Variants in GOLGA3 observed in about 807,000 individuals in gnomAD.
GOLGA3 encodes golgin A3, also known as golgin subfamily A member 3.
In GOLGA3, 75 loss-of-function variants were observed where a neutral mutation model predicts 169.4. That is an observed-to-expected ratio of 0.44 (90% CI 0.37 to 0.54). The LOEUF is 0.54. Among genes scored for constraint, GOLGA3 ranks in the 20% least tolerant of loss-of-function variants. GOLGA3 has a pLI of 0.00. For synonymous variants in GOLGA3, 824 were observed against 822.4 expected (o/e 1.00, Z -0.03); for missense variants, 1,899 against 1,930.0 (o/e 0.98, Z 0.30).
chr12:132,781,544 C>T (rs1471758316), intron 17 of GOLGA3, among the ~76,000 whole-genome samples: 12 of 152,114 alleles, frequency 7.9e-5, no homozygotes, highest in African/African-American at 1.4e-4. Flanking sequence ...AGTGAGACTC[C>T]GTATTACTAA....
intron 1 of GOLGA3, chr12:132,825,906 G>A (rs990226772): frequency 2.0e-5 from 19 of 965,700 alleles, no homozygotes; most frequent in Admixed American, 3.4e-5. Context: ...GTCTCCATTC[G>A]AGGGCGGATC....
intron 18 of GOLGA3, among the ~76,000 whole-genome samples, chr12:132,778,639 A>G (rs1327058795): frequency 6.6e-6 from 1 of 151,706 alleles, no homozygotes; most frequent in Admixed American, 6.6e-5. Context: ...TTTAAAAAAT[A>G]AAAATAAAAT....
At chr12:132,802,178 G>A (rs1000138974) in intron 7 of GOLGA3, among the ~76,000 whole-genome samples, 2 of 152,278 alleles carry the variant, frequency 1.3e-5, no homozygotes, top group Non-Finnish European at 2.9e-5. Context: ...AATGCAGGGT[G>A]AGGTTCCTGC....
At chr12:132,809,797 G>T (rs552014754) in intron 4 of GOLGA3, among the ~76,000 whole-genome samples, 22 of 152,178 alleles carry the variant, frequency 1.4e-4, no homozygotes, top group Non-Finnish European at 2.9e-4. Context: ...TATATCTGGT[G>T]TAACTATTCT....
intron 4 of GOLGA3, among the ~76,000 whole-genome samples, chr12:132,809,532 G>A (rs1034025026): frequency 6.6e-5 from 10 of 151,702 alleles, no homozygotes; most frequent in South Asian, 2.1e-4. Flanking sequence ...GGTAACGGGC[G>A]TCTTCCCGTC....
chr12:132,775,127 G>A lies in GOLGA3; in HGVS notation c.4143+14C>T, dbSNP rs1198457888. Reference sequence around the variant, plus strand: ...GCACGTCGGCTACCCCGGGAGGGACGCGGGCCTGAGTACCGTCTTGGCCGC... The same window carrying A: ...GCACGTCGGCTACCCCGGGAGGGACACGGGCCTGAGTACCGTCTTGGCCGC... On this transcript the variant is annotated intron_variant, in intron 22 of 23. Transcript: ENST00000450791. 11 of 1,609,336 alleles carry A rather than the reference G, an allele frequency of 6.8e-6. No individual in the cohort carries two copies. The highest frequency in any genetic ancestry group is 2.2e-5 in the South Asian group (2 of 90,760).
intron 12 of GOLGA3, 58 bp from the exon 13 acceptor site, chr12:132,789,348 T>TG (rs201418691): frequency 2.1e-6 from 3 of 1,453,560 alleles, no homozygotes; most frequent in African/African-American, 2.8e-5. Context: ...GGGGCGTACC[T>TG]GGGGGTCAAG....
rs536718563 is a variant in GOLGA3, at chr12:132,777,660, A to C, written c.3722+6T>G. On this transcript the variant is annotated splice_donor_region_variant and intron_variant, in intron 19 of 23. Transcript: ENST00000450791. The surrounding 1 kb of genome is among the most constrained non-coding windows in gnomAD (Gnocchi z 4.7). The stretch of plus-strand genomic sequence containing the variant: ...GTTTGAGGGCTGGCGGGGCCCAGGC[A>C]CTCACTGAAGGTCGTCGGCCTCGGC... The C allele has an allele frequency of 6.2e-7, 1 of 1,613,796 alleles. No individual in the cohort carries two copies. The highest frequency in any genetic ancestry group is 1.1e-5 in the South Asian group (1 of 91,062).
intron 1 of GOLGA3, among the ~76,000 whole-genome samples, chr12:132,826,629 C>T (rs1030409705): frequency 6.6e-6 from 1 of 152,156 alleles, no homozygotes. Flanking sequence ...GTCACAAAGA[C>T]GGCCCCTCTT....
chr12:132,801,351 G>A (rs569189014), intron 8 of GOLGA3, among the ~76,000 whole-genome samples: 1 of 152,310 alleles, frequency 6.6e-6, no homozygotes, highest in South Asian at 2.1e-4. Flanking sequence ...GCACGCCTGT[G>A]AGACATCACA....
chr12:132,800,507 A>G (rs1015973920), intron 8 of GOLGA3, among the ~76,000 whole-genome samples: 4 of 152,194 alleles, frequency 2.6e-5, no homozygotes, highest in Non-Finnish European at 5.9e-5. Context: ...ACAAACAAAA[A>G]AGTAACGAAA....
intron 15 of GOLGA3, among the ~76,000 whole-genome samples, chr12:132,784,972 GATGGTA>G (rs2045823774): frequency 6.6e-6 from 1 of 152,178 alleles, no homozygotes; most frequent in Admixed American, 6.5e-5. Flanking sequence ...TTGCTGCCTC[GATGGTA>G]CCAGGCCCTT....
At position 132,821,408 on chromosome 12, in the gene GOLGA3, GAA is replaced by G. The variant is rs34162286; in HGVS notation, c.133+586_133+587del. On this transcript the variant is annotated intron_variant, in intron 2 of 23. Coordinates refer to ENST00000450791, the MANE Select transcript of GOLGA3 (RefSeq NM_001389683.1). ...GGCACCCAGAGCAAAACTCCACGTC[GAA>G]AAAAAAAAAAGGTAGAATTTTAGGC... Among the ~76,000 whole-genome samples, 38 of 147,396 alleles carry G rather than the reference GAA, an allele frequency of 2.6e-4. No individual in the cohort carries two copies. In the South Asian group the frequency reaches 2.8e-3, roughly 11 times the overall value.
Position 132,777,157 on chromosome 12 carries a change from G to A in GOLGA3, c.3723-67C>T. On this transcript the variant is annotated intron_variant, in intron 19 of 23. Transcript: ENST00000450791. This position sits in a 1 kb window ranked among gnomAD's most constrained non-coding sequence, Gnocchi z 4.7. Reference sequence around the variant, plus strand: ...TCCAGTGTGCTGTGCCCTCCCGCTGGGAAATGCTGCCTGTGGAAGGCGTTC... The same window carrying A: ...TCCAGTGTGCTGTGCCCTCCCGCTGAGAAATGCTGCCTGTGGAAGGCGTTC... 1 of 1,505,916 alleles carries A rather than the reference G, an allele frequency of 6.6e-7. No individual in the cohort carries two copies. The highest frequency in any genetic ancestry group is 8.9e-7 in the Non-Finnish European group (1 of 1,122,500). The allele number at this position is 1,505,916 out of a possible 1,614,324, so 93.3% of individuals were successfully genotyped here.
At chr12:132,799,670 G>GC (rs781074967) in intron 8 of GOLGA3, among the ~76,000 whole-genome samples, 26 of 151,974 alleles carry the variant, frequency 1.7e-4, no homozygotes, top group African/African-American at 5.8e-4. Flanking sequence ...GGGCTCTGGA[G>GC]CCACCATTGC....
chr12:132,782,262 C>T lies in GOLGA3; in HGVS notation c.3465+34G>A. 3 of 1,555,658 alleles carry T rather than the reference C, an allele frequency of 1.9e-6. No individual in the cohort carries two copies. In the South Asian group the frequency reaches 3.3e-5, roughly 17 times the overall value. ...GCGCACAGCCCCACCAACTCTCACA[C>T]CGTTGCTGGCGTGAGTTTGACGAGT... On this transcript the variant is annotated intron_variant, in intron 17 of 23. Transcript: ENST00000450791.
At chr12:132,794,449 C>CT (rs1201726705) in intron 11 of GOLGA3, among the ~76,000 whole-genome samples, 5 of 152,018 alleles carry the variant, frequency 3.3e-5, no homozygotes, top group Admixed American at 2.6e-4. Context: ...AGTCGGCTGA[C>CT]TATGGTCCCC....
intron 18 of GOLGA3, among the ~76,000 whole-genome samples, chr12:132,780,086 G>A (rs578211064): frequency 1.1e-4 from 13 of 121,782 alleles, no homozygotes; most frequent in Non-Finnish European, 2.2e-4. Context: ...ACACGTGTGT[G>A]CAGACATCAC....
In GOLGA3 at chr12:132,801,755, T is replaced by A; in HGVS notation, c.1800+12A>T. On this transcript the variant is annotated intron_variant, in intron 8 of 23. Transcript: ENST00000450791. The stretch of plus-strand genomic sequence containing the variant: ...AGCGTGACCTGCCCTGGAAGGTAGA[T>A]GTGGGCCGTACCTGGATGTGGGCCA... 1 of 1,609,178 alleles carries A rather than the reference T, an allele frequency of 6.2e-7. No individual in the cohort carries two copies. The highest frequency in any genetic ancestry group is 1.1e-5 in the South Asian group (1 of 91,014).
Sources: allele counts gnomAD v4.1 joint callset (sites outside exome capture counted in the v4.1 genomes callset), GRCh38; gene constraint gnomAD v4.1.1; non-coding constraint Gnocchi (gnomAD v3.1); transcripts MANE v1.5; gene names NCBI Gene and HGNC (gene_info 2026-07-23, HGNC 2026-07-21).